Variants in RPRD1A observed in about 807,000 individuals in gnomAD.
The protein encoded by RPRD1A is regulation of nuclear pre-mRNA domain-containing protein 1A.
RPRD1A carries 9 observed loss-of-function variants against 37.8 expected under a neutral mutation model. That is an observed-to-expected ratio of 0.24 (90% confidence interval 0.14 to 0.42). RPRD1A has a LOEUF of 0.42. Among genes scored for constraint, RPRD1A ranks in the 10% least tolerant of loss-of-function variants. The probability of loss-of-function intolerance (pLI) is 1.00; values close to 1 mark genes in which losing one functional copy is unlikely to be tolerated. For missense variants in RPRD1A, 255 were observed against 371.0 expected, an observed-to-expected ratio of 0.69 and a Z score of 2.57; for synonymous variants, 138 against 139.7, an observed-to-expected ratio of 0.99 and a Z score of 0.08.
chr18:36,047,608 A>C (rs375977654), intron 1 of RPRD1A, among the ~76,000 whole-genome samples: 2 of 152,354 alleles, frequency 1.3e-5, no homozygotes, highest in East Asian at 3.8e-4. Context: ...ACAAGAGGGA[A>C]GCAAGAATTA....
intron 1 of RPRD1A, among the ~76,000 whole-genome samples, chr18:36,057,051 C>CAAAAAAAAAAAAAAAAAAAAAAA (rs35428437): frequency 2.2e-5 from 1 of 44,732 alleles, no homozygotes; most frequent in Admixed American, 3.4e-4. Flanking sequence ...CCTGTTTCTA[C>CAAAAAAAAAAAAAAAAAAAAAAA]AAAAAAAAAA....
intron 6 of RPRD1A, among the ~76,000 whole-genome samples, chr18:36,014,293 G>A (rs1380751834): frequency 1.3e-5 from 2 of 152,176 alleles, no homozygotes; most frequent in Non-Finnish European, 2.9e-5. Context: ...GCGGAAGCTG[G>A]CTAAACTATC....
At chr18:36,025,542 C>G (rs1000479200) in intron 6 of RPRD1A, 132 of 818,164 alleles carry the variant, frequency 1.6e-4, no homozygotes, top group Non-Finnish European at 1.9e-4. Flanking sequence ...AAGTATAAAG[C>G]AGAATAAAGT....
At chr18:36,047,898 T>TAA (rs1213343618) in intron 1 of RPRD1A, among the ~76,000 whole-genome samples, 3 of 152,230 alleles carry the variant, frequency 2.0e-5, no homozygotes, top group African/African-American at 7.2e-5. Flanking sequence ...ACCAAATGTT[T>TAA]AAAGAATCTT....
At chr18:36,041,280 T>C (rs1295329373) in intron 1 of RPRD1A, among the ~76,000 whole-genome samples, 2 of 152,204 alleles carry the variant, frequency 1.3e-5, no homozygotes, top group African/African-American at 4.8e-5. Flanking sequence ...CTCTTAAGTA[T>C]GGCTTTTAAA....
intron 1 of RPRD1A, among the ~76,000 whole-genome samples, chr18:36,055,422 C>A (rs888902145): frequency 6.6e-6 from 1 of 152,040 alleles, no homozygotes; most frequent in Non-Finnish European, 1.5e-5. Context: ...TTAGCCTGTA[C>A]GAGAATCAAG....
At chr18:36,018,508 C>T (rs1438254257) in intron 6 of RPRD1A, among the ~76,000 whole-genome samples, 2 of 152,020 alleles carry the variant, frequency 1.3e-5, no homozygotes, top group Non-Finnish European at 2.9e-5. Context: ...GTCCTGACCT[C>T]GTGATCCACC....
At chr18:36,031,186 A>T (rs1805116610) in intron 2 of RPRD1A, 89 bp from the exon 3 acceptor site, 1 of 1,384,266 alleles carries the variant, frequency 7.2e-7, no homozygotes, top group Admixed American at 3.3e-5. Flanking sequence ...TTTAAATATA[A>T]TCAGACATTC....
At chr18:36,067,198 G>C in intron 1 of RPRD1A, 56 bp downstream of exon 1, 1 of 1,504,064 alleles carries the variant, frequency 6.6e-7, no homozygotes, top group Non-Finnish European at 8.9e-7. Context: ...GGTTCCCGGG[G>C]GCGCCTGGAG....
intron 6 of RPRD1A, among the ~76,000 whole-genome samples, chr18:35,994,025 C>T (rs1425228945): frequency 2.0e-5 from 3 of 152,182 alleles, no homozygotes; most frequent in African/African-American, 7.2e-5. Context: ...AGAGGCAAGC[C>T]AAGACAACCT....
chr18:35,993,370 T>A (rs1908827721), intron 6 of RPRD1A, 70 bp from the exon 7 acceptor site: 1 of 1,505,362 alleles, frequency 6.6e-7, no homozygotes, highest in Non-Finnish European at 9.1e-7. Context: ...ATGACCTACA[T>A]AAACCCAGGT....
intron 6 of RPRD1A, among the ~76,000 whole-genome samples, chr18:36,004,350 G>A (rs920153979): frequency 6.6e-5 from 10 of 151,874 alleles, no homozygotes; most frequent in African/African-American, 1.9e-4. Flanking sequence ...TGCCTCCTGC[G>A]CTCAAATGAT....
intron 6 of RPRD1A, among the ~76,000 whole-genome samples, chr18:36,017,254 T>C (rs1221698443): frequency 6.6e-6 from 1 of 152,158 alleles, no homozygotes; most frequent in East Asian, 1.9e-4. Flanking sequence ...TCAGTCATGA[T>C]TGTGCCACTG....
rs144952672 is a variant in RPRD1A at position 36,040,072 on chromosome 18, T to C, written c.152-6235A>G. On this transcript the variant is annotated intron_variant, in intron 1 of 6. Transcript: ENST00000399022. ...ATTTCCCTGGTAAAATGAATGACTA[T>C]AGACTAGAAAAAGATTCTATATATC... Among the ~76,000 whole-genome samples, 327 of 152,314 alleles carry C rather than the reference T, an allele frequency of 2.1e-3. 4 individuals carry two copies. Among genetic ancestry groups the C allele is most frequent in the Non-Finnish European group, 3.5e-3 (237 of 68,016 alleles).
At chr18:36,012,342 C>T (rs888118863) in intron 6 of RPRD1A, among the ~76,000 whole-genome samples, 1 of 151,996 alleles carries the variant, frequency 6.6e-6, no homozygotes, top group Non-Finnish European at 1.5e-5. Context: ...ACTTCGTTAC[C>T]GGTTTATGTA....
intron 1 of RPRD1A, among the ~76,000 whole-genome samples, 190 bp downstream of exon 1, chr18:36,067,064 C>A (rs1282499962): frequency 2.0e-5 from 3 of 152,216 alleles, no homozygotes; most frequent in Non-Finnish European, 2.9e-5. Flanking sequence ...TTATTCATTC[C>A]TTTATTCAAT....
chr18:36,005,769 T>C (rs1466107152), intron 6 of RPRD1A, among the ~76,000 whole-genome samples: 1 of 152,210 alleles, frequency 6.6e-6, no homozygotes, highest in Non-Finnish European at 1.5e-5. Flanking sequence ...TTTTACTCCA[T>C]ATATCACTCA....
At position 36,019,911 on chromosome 18, in the gene RPRD1A, G is replaced by A. The variant is rs532434546; in HGVS notation, c.789+6989C>T. Among the ~76,000 whole-genome samples, 21 of 152,212 alleles carry A rather than the reference G, an allele frequency of 1.4e-4. 1 individual carries two copies. Among genetic ancestry groups the A allele is most frequent in the South Asian group, 1.2e-3 (6 of 4,826 alleles). ...AAAAATTAGACAGCCGTGATGGCGC[G>A]CACCTGTAATCCCAGCTACTCAGGA... On this transcript the variant is annotated intron_variant, in intron 6 of 6. Transcript: ENST00000399022.
At chr18:36,044,577 A>T (rs1236220789) in intron 1 of RPRD1A, among the ~76,000 whole-genome samples, 2 of 152,082 alleles carry the variant, frequency 1.3e-5, no homozygotes, top group Non-Finnish European at 2.9e-5. Flanking sequence ...AATCCCAGCT[A>T]CTCAGGAGGC....
Sources: gnomAD v4.1 joint callset for allele counts (sites outside exome capture counted in the v4.1 genomes callset) on GRCh38, gnomAD v4.1.1 for gene constraint, MANE v1.5 for transcripts, NCBI Gene and HGNC (gene_info 2026-07-23, HGNC 2026-07-21) for gene names.